The following CR1 variants were observed in gnomAD, a reference collection of about 807,000 sequenced individuals.
CR1 encodes the protein complement receptor type 1.
Under a neutral mutation model 187.3 loss-of-function variants are expected in CR1, and 116 were observed. The observed-to-expected ratio is 0.62, with a 90% CI of 0.53 to 0.72. CR1 has a LOEUF of 0.72. Among genes scored for constraint, CR1 ranks in the 30% least tolerant of loss-of-function variants. CR1 has a pLI of 0.00. For synonymous variants in CR1, 576 were observed against 747.1 expected (o/e 0.77, Z 3.73); for missense variants, 1,731 against 2,110.7 (o/e 0.82, Z 3.52).
At chr1:207,579,042 A>T (rs992335474) in intron 29 of CR1, among the ~76,000 whole-genome samples, 2 of 152,196 alleles carry the variant, frequency 1.3e-5, no homozygotes, top group African/African-American at 4.8e-5. Flanking sequence ...AAGTCAGTTA[A>T]ATATTTCTAA....
At chr1:207,592,849 G>A (rs1661313664) in intron 35 of CR1, among the ~76,000 whole-genome samples, 2 of 151,934 alleles carry the variant, frequency 1.3e-5, no homozygotes, top group African/African-American at 4.8e-5. Flanking sequence ...CTAAATTCCT[G>A]CAAAGTGAAT....
chr1:207,498,699 T>C (rs1429272645), intron 1 of CR1, among the ~76,000 whole-genome samples: 1 of 150,578 alleles, frequency 6.6e-6, no homozygotes, highest in Non-Finnish European at 1.5e-5. Flanking sequence ...GCCAACATAG[T>C]GAAACCCTGT....
chr1:207,577,703 A>G, intron 28 of CR1, 102 bp from the exon 29 acceptor site: 1 of 1,535,706 alleles, frequency 6.5e-7, no homozygotes, highest in Non-Finnish European at 8.8e-7. Flanking sequence ...TGGGAAGTAG[A>G]GGTTGCAGTT....
chr1:207,516,190 C>T (rs1339647949), intron 4 of CR1, among the ~76,000 whole-genome samples: 1 of 152,134 alleles, frequency 6.6e-6, no homozygotes, highest in Admixed American at 6.5e-5. Flanking sequence ...CCACTGCACT[C>T]CAGCCTAGGT....
intron 24 of CR1, among the ~76,000 whole-genome samples, chr1:207,567,447 C>T (rs1460613573): frequency 6.7e-6 from 1 of 150,232 alleles, no homozygotes; most frequent in Non-Finnish European, 1.5e-5. Context: ...GCTCCTTCCT[C>T]AGCGCTGTGT....
chr1:207,606,944 C>G (rs184721615), intron 35 of CR1, among the ~76,000 whole-genome samples: 20 of 152,200 alleles, frequency 1.3e-4, no homozygotes, highest in Admixed American at 1.3e-3. Context: ...TGGAAGTACA[C>G]ATGGATAAAA....
chr1:207,586,787 C>T (rs1435616142), intron 33 of CR1, among the ~76,000 whole-genome samples: 1 of 152,088 alleles, frequency 6.6e-6, no homozygotes, highest in Non-Finnish European at 1.5e-5. Flanking sequence ...ATAGGGACAC[C>T]AGTCATTGGA....
rs1662914684 is a variant in CR1 at position 207,639,445 on chromosome 1, A to C, written c.*36A>C. On this transcript the variant is annotated 3_prime_UTR_variant, in exon 47 of 47. Transcript: ENST00000367049. ...TACAGCTGAAGAACATCTCGAATACAATTTTGGTGGGAAAGGAGCCAATTG... is the reference window on the plus strand; with the variant it reads ...TACAGCTGAAGAACATCTCGAATACCATTTTGGTGGGAAAGGAGCCAATTG... 3.2e-6 allele frequency: 5 copies of C among 1,583,860 alleles called. No homozygotes were observed. The highest frequency in any genetic ancestry group is 1.3e-5 in the African/African-American group (1 of 74,416).
At chr1:207,507,279 G>A (rs1448113800) in intron 3 of CR1, 3 of 152,970 alleles carry the variant, frequency 2.0e-5, no homozygotes, top group Non-Finnish European at 4.4e-5. Context: ...GAGGCTGAAA[G>A]TGCAAAATCA....
At chr1:207,634,632 A>AG (rs34169218) in intron 46 of CR1, among the ~76,000 whole-genome samples, 44,097 of 151,488 alleles carry the variant, frequency 0.29, 7,371 homozygotes, top group East Asian at 0.54. Context: ...GATGAGCTGG[A>AG]GGCCTCATCA....
Position 207,609,635 on chromosome 1 carries a change from TG to T in CR1, c.6243del (p.Gln2082SerfsTer32). On this transcript the variant is annotated frameshift_variant, in exon 37 of 47. Transcript: ENST00000367049. LOFTEE classifies it high-confidence loss of function. ...TTTGTCATGGTAGGGTCCCACACTG[TG>T]CAGTGCCAGACCAATGGCAGATGGG... is the stretch of plus-strand genomic sequence containing the variant. ...PGFVMVGSHTVQCQTNGRWGP... is the reference protein window; with the variant it reads ...PGFVMVGSHTXQCQTNGRWGP... The T allele has an allele frequency of 6.2e-7, 1 of 1,608,200 alleles. No homozygotes were observed. The highest frequency in any genetic ancestry group is 1.1e-5 in the South Asian group (1 of 89,706).
chr1:207,607,222 G>A (rs763661356), intron 35 of CR1, 29 bp from the exon 36 acceptor site: 25 of 1,535,956 alleles, frequency 1.6e-5, no homozygotes, highest in African/African-American at 1.1e-4. Flanking sequence ...TATGTGTAGC[G>A]TATAACCATT....
chr1:207,524,357 T>G (rs1660099684), intron 5 of CR1, among the ~76,000 whole-genome samples: 1 of 152,010 alleles, frequency 6.6e-6, no homozygotes, highest in South Asian at 2.1e-4. Flanking sequence ...ACAAAGTTAT[T>G]AGGTAGTTAC....
chr1:207,636,334 A>C (rs183328037), intron 46 of CR1, among the ~76,000 whole-genome samples: 3 of 152,212 alleles, frequency 2.0e-5, no homozygotes, highest in Admixed American at 1.3e-4. Context: ...TGTTTCAAAA[A>C]TTTGTTCCTT....
intron 29 of CR1, 64 bp from the exon 30 acceptor site, chr1:207,580,175 GT>G (rs1283288288): frequency 1.3e-6 from 2 of 1,583,956 alleles, no homozygotes; most frequent in Non-Finnish European, 1.7e-6. Context: ...TAGCTATGAG[GT>G]CTTCAGGAAG....
chr1:207,602,484 C>T (rs950182631), intron 35 of CR1, among the ~76,000 whole-genome samples: 4 of 152,036 alleles, frequency 2.6e-5, no homozygotes, highest in African/African-American at 7.2e-5. Flanking sequence ...CACAAACTTA[C>T]AATATTAAAG....
Position 207,588,748 on chromosome 1 carries a change from A to T in CR1, c.5784A>T (p.Ser1928=), listed in dbSNP as rs368546549. ...TAAACACAGATACACAGTTTGGATCAACAGTTAATTATTCTTGTAATGAAG... is the reference window on the plus strand; with the variant it reads ...TAAACACAGATACACAGTTTGGATCTACAGTTAATTATTCTTGTAATGAAG... ...VHINTDTQFG[S]TVNYSCNEGF... The change falls in exon 35 of 47, where the codon TCA becomes TCT. Residue 1928 remains serine (S), a synonymous_variant. Coordinates refer to ENST00000367049, the MANE Select transcript of CR1 (RefSeq NM_000651.6). The T allele has an allele frequency of 2.3e-5, 37 of 1,611,368 alleles. No homozygotes were observed. Among genetic ancestry groups the T allele is most frequent in the Non-Finnish European group, 3.1e-5 (36 of 1,178,484 alleles).
chr1:207,503,181 A>G (rs1252794765), intron 1 of CR1, among the ~76,000 whole-genome samples: 1 of 152,188 alleles, frequency 6.6e-6, no homozygotes, highest in Non-Finnish European at 1.5e-5. Context: ...CAAACCTGGT[A>G]GGAAAATATT....
chr1:207,597,507 T>A (rs10158414), intron 35 of CR1, among the ~76,000 whole-genome samples: 22 of 152,180 alleles, frequency 1.4e-4, no homozygotes, highest in Non-Finnish European at 2.5e-4. Flanking sequence ...TTCAACATCA[T>A]TAGTCATTAG....
Sources: allele counts gnomAD v4.1 joint callset (sites outside exome capture counted in the v4.1 genomes callset), GRCh38; gene constraint gnomAD v4.1.1; transcripts MANE v1.5; gene names NCBI Gene and HGNC (gene_info 2026-07-23, HGNC 2026-07-21).